NRG4: variants seen among roughly 807,000 people sequenced by gnomAD.
NRG4 encodes the protein pro-neuregulin-4, membrane-bound isoform.
In NRG4, 10 loss-of-function variants were observed where a neutral mutation model predicts 15.0. The ratio of observed to expected loss-of-function variants is 0.67; its 90% CI spans 0.41 to 1.13. NRG4 has a LOEUF of 1.13. Among genes scored for constraint, NRG4 ranks in the 50% most tolerant of loss-of-function variants. NRG4 has a pLI of 0.00. For synonymous variants in NRG4, 41 were observed against 50.1 expected, an observed-to-expected ratio of 0.82 and a Z score of 0.77; for missense variants, 139 against 140.2, an observed-to-expected ratio of 0.99 and a Z score of 0.04.
upstream of NRG4, chr15:76,060,119 A>T (rs1357880883): frequency 3.3e-5 from 5 of 151,520 alleles, no homozygotes; most frequent in Non-Finnish European, 7.4e-5. Context: ...GGTTTGCAGG[A>T]TGCGTGCTCG....
intron 3 of NRG4, among the ~76,000 whole-genome samples, chr15:75,991,068 T>C (rs1239399525): frequency 6.6e-6 from 1 of 152,194 alleles, no homozygotes; most frequent in Non-Finnish European, 1.5e-5. Flanking sequence ...TTAGGAGTTT[T>C]TCTAGACATC....
intron 5 of NRG4, among the ~76,000 whole-genome samples, chr15:76,022,499 T>A (rs2035188390): frequency 6.6e-6 from 1 of 150,838 alleles, no homozygotes; most frequent in South Asian, 2.1e-4. Flanking sequence ...TTCCAAGAGG[T>A]AGAATGAATA....
At chr15:75,954,733 CT>C in intron 5 of NRG4, among the ~76,000 whole-genome samples, 1 of 152,056 alleles carries the variant, frequency 6.6e-6, no homozygotes, top group African/African-American at 2.4e-5. Flanking sequence ...CTTTCAGTTT[CT>C]TAATATTTCT....
At chr15:75,975,179 CT>C (rs1351258915) in intron 3 of NRG4, among the ~76,000 whole-genome samples, 3 of 151,888 alleles carry the variant, frequency 2.0e-5, no homozygotes, top group Admixed American at 6.6e-5. Context: ...TAACCCCTTT[CT>C]TTTTTTTCTT....
chr15:75,967,456 A>ATTTTTTT (rs71140189), intron 3 of NRG4, among the ~76,000 whole-genome samples: 14 of 100,196 alleles, frequency 1.4e-4, no homozygotes, highest in East Asian at 6.5e-4. Context: ...AAAATCTTAG[A>ATTTTTTT]TTTTTTTTTT....
At chr15:76,032,778 T>C (rs1285888036) in intron 5 of NRG4, among the ~76,000 whole-genome samples, 2 of 152,086 alleles carry the variant, frequency 1.3e-5, no homozygotes, top group Admixed American at 6.5e-5. Context: ...GAGTCAACAA[T>C]TGGAACAAAA....
intron 3 of NRG4, chr15:75,969,198 A>C (rs2032976316): frequency 2.2e-6 from 1 of 456,130 alleles, no homozygotes. Flanking sequence ...GGAATAAGAC[A>C]AAGAGAAGCC....
chr15:76,039,491 G>C lies in NRG4; in HGVS notation c.-104-3500C>G, dbSNP rs905450388. ...AATTGACATATTGAATAATGCATCAGAGACTGTTAATAGTAGAATTGATCA... is the reference window on the plus strand; with the variant it reads ...AATTGACATATTGAATAATGCATCACAGACTGTTAATAGTAGAATTGATCA... On this transcript the variant is annotated intron_variant, in intron 4 of 8. Transcript: ENST00000563910. Among the ~76,000 whole-genome samples the C allele has an allele frequency of 2.5e-4, 38 of 152,150 alleles. 1 individual carries two copies. The highest frequency in any genetic ancestry group is 8.5e-4 in the Admixed American group (13 of 15,286).
chr15:76,051,668 A>C (rs2036022592), intron 4 of NRG4, among the ~76,000 whole-genome samples: 1 of 147,070 alleles, frequency 6.8e-6, no homozygotes, highest in South Asian at 2.1e-4. Context: ...GGTTCATGCC[A>C]TTCTCCTGCC....
chr15:76,002,779 T>C (rs1219266366), intron 3 of NRG4, among the ~76,000 whole-genome samples: 3 of 152,016 alleles, frequency 2.0e-5, no homozygotes. Context: ...CAAGAGCACA[T>C]CAGAAGTCTA....
At chr15:76,012,871 A>G (rs945253755), upstream of NRG4, among the ~76,000 whole-genome samples, 1 of 152,244 alleles carries the variant, frequency 6.6e-6, no homozygotes, top group Non-Finnish European at 1.5e-5. Context: ...TAAAACTTGT[A>G]ACACCAAGTT....
chr15:75,960,974 G>T (rs1471194871), intron 4 of NRG4, among the ~76,000 whole-genome samples: 4 of 152,026 alleles, frequency 2.6e-5, no homozygotes, highest in African/African-American at 9.7e-5. Context: ...ATTATTCCTT[G>T]ATGTAAAGTA....
At chr15:76,059,367 C>G (rs987263809) in intron 1 of NRG4, among the ~76,000 whole-genome samples, 3 of 152,206 alleles carry the variant, frequency 2.0e-5, no homozygotes, top group Admixed American at 6.5e-5. Context: ...GCGCAGCGGG[C>G]ACTGCGTGCC....
chr15:75,971,019 G>A (rs2033065782), intron 3 of NRG4: 1 of 229,542 alleles, frequency 4.4e-6, no homozygotes, highest in Non-Finnish European at 8.7e-6. Flanking sequence ...GATTTTCATT[G>A]TCTTCGAGCT....
intron 3 of NRG4, among the ~76,000 whole-genome samples, chr15:75,991,299 T>C (rs2034005957): frequency 6.6e-6 from 1 of 152,202 alleles, no homozygotes; most frequent in East Asian, 1.9e-4. Context: ...AGAATTTTAA[T>C]TATAAACACT....
Position 76,029,996 on chromosome 15 carries a change from T to C in NRG4, c.-57+5948A>G, listed in dbSNP as rs543914940. On this transcript the variant is annotated intron_variant, in intron 5 of 8. Coordinates refer to the NRG4 transcript ENST00000563910. ...GCTGCAGGCCAGGCATGGTGGCTCA[T>C]GTCTGTAATCCCAGCACTTTGGGAG... Among the ~76,000 whole-genome samples, 23 of 152,188 alleles carry C rather than the reference T, an allele frequency of 1.5e-4. No homozygotes were observed. In the South Asian group the frequency reaches 4.6e-3, roughly 30 times the overall value.
At chr15:75,999,213 G>C (rs1411119335) in intron 3 of NRG4, among the ~76,000 whole-genome samples, 2 of 152,122 alleles carry the variant, frequency 1.3e-5, no homozygotes, top group East Asian at 1.9e-4. Flanking sequence ...TAAACATATA[G>C]ATAAAAATTT....
intron 5 of NRG4, among the ~76,000 whole-genome samples, chr15:76,026,573 A>G (rs2035320575): frequency 6.6e-6 from 1 of 152,226 alleles, no homozygotes; most frequent in Non-Finnish European, 1.5e-5. Context: ...AAAGACAATT[A>G]CTACACTCAT....
chr15:76,012,748 CA>C (rs2034855948), upstream of NRG4, among the ~76,000 whole-genome samples: 1 of 151,946 alleles, frequency 6.6e-6, no homozygotes, highest in South Asian at 2.1e-4. Context: ...ATTAAAAAAA[CA>C]TTTTTTTAAA....
Sources: allele counts gnomAD v4.1 joint callset (sites outside exome capture counted in the v4.1 genomes callset), GRCh38; gene constraint gnomAD v4.1.1; transcripts MANE v1.5; gene names NCBI Gene and HGNC (gene_info 2026-07-23, HGNC 2026-07-21).